MYLK3: variants seen among roughly 807,000 people sequenced by gnomAD.
The protein encoded by MYLK3 is myosin light chain kinase 3, also known as MLC kinase.
MYLK3 carries 55 observed loss-of-function variants against 76.3 expected under a neutral mutation model. The observed-to-expected ratio is 0.72, with a 90% confidence interval of 0.58 to 0.90. The LOEUF is 0.90. Ranked by LOEUF, MYLK3 falls within the 40% of genes least tolerant of loss-of-function variation. The probability of loss-of-function intolerance (pLI) is 0.00; values close to 1 mark genes in which losing one functional copy is unlikely to be tolerated. For missense variants in MYLK3, 973 were observed against 1,053.6 expected (o/e 0.92, Z 1.06); for synonymous variants, 416 against 425.4 (o/e 0.98, Z 0.27).
In MYLK3 at chr16:46,702,813, GGGA is replaced by G. The variant is rs750008209; in HGVS notation, c.*4888_*4890del. 1.8e-4 allele frequency among the ~76,000 whole-genome samples: 27 copies of G among 151,984 alleles called. No homozygotes were observed. The highest frequency in any genetic ancestry group is 2.6e-4 in the Admixed American group (4 of 15,258). ...CGCATGCCTGTAGTCCCAGCTACTT[GGGA>G]GGCTGAGGCAGGAGAAATCACTTGA... is the stretch of plus-strand genomic sequence containing the variant. On this transcript the variant is annotated 3_prime_UTR_variant, in exon 13 of 13. Transcript: ENST00000394809.
upstream of MYLK3, among the ~76,000 whole-genome samples, chr16:46,749,383 A>C (rs1169506888): frequency 2.6e-5 from 4 of 152,240 alleles, no homozygotes; most frequent in Non-Finnish European, 5.9e-5. Flanking sequence ...GGCTGCCCCC[A>C]AGGGAGGGGG....
chr16:46,722,827 A>G (rs1966812863), intron 8 of MYLK3, among the ~76,000 whole-genome samples: 1 of 152,124 alleles, frequency 6.6e-6, no homozygotes, highest in East Asian at 1.9e-4. Flanking sequence ...CTCCTGCCTC[A>G]GCCTCCCGAG....
intron 3 of MYLK3, among the ~76,000 whole-genome samples, chr16:46,736,286 C>G (rs1966868202): frequency 6.6e-6 from 1 of 152,154 alleles, no homozygotes; most frequent in Non-Finnish European, 1.5e-5. Context: ...GTGCTGGGAT[C>G]AAGGCATGAG....
At chr16:46,738,625 A>G (rs1966885484) in intron 2 of MYLK3, among the ~76,000 whole-genome samples, 1 of 152,230 alleles carries the variant, frequency 6.6e-6, no homozygotes, top group Non-Finnish European at 1.5e-5. Flanking sequence ...GAAAGAAAGC[A>G]AGGTGGAGAA....
At chr16:46,724,902 T>C (rs1045224440) in intron 8 of MYLK3, among the ~76,000 whole-genome samples, 1 of 152,244 alleles carries the variant, frequency 6.6e-6, no homozygotes, top group Non-Finnish European at 1.5e-5. Flanking sequence ...CTTAACAATA[T>C]TAAATTTTCC....
chr16:46,739,928 T>C, intron 2 of MYLK3, 129 bp downstream of exon 2: 1 of 684,652 alleles, frequency 1.5e-6, no homozygotes, highest in Non-Finnish European at 2.5e-6. Flanking sequence ...CAAAAAACCC[T>C]GCAAAAACAA....
rs1966881627 is a variant in MYLK3 at position 46,738,133 on chromosome 16, C to CT, written c.578dup (p.Ala194GlyfsTer22). ...CCGCTGTCCCCTCCAGCACGTCCGCCTTCTGGCTCTCTACAGGAAAACAGG... is the reference window on the plus strand; with the variant it reads ...CCGCTGTCCCCTCCAGCACGTCCGCCTTTCTGGCTCTCTACAGGAAAACAGG... On this transcript the variant is annotated frameshift_variant, in exon 3 of 13. Coordinates refer to ENST00000394809, the MANE Select transcript of MYLK3 (RefSeq NM_182493.3). LOFTEE classifies it high-confidence loss of function. 6.5e-7 allele frequency: 1 copy of CT among 1,534,662 alleles called. No individual in the cohort carries two copies.
At position 46,727,358 on chromosome 16, in the gene MYLK3, A is replaced by C; in HGVS notation, c.1792T>G (p.Phe598Val). The C allele has an allele frequency of 6.2e-7, 1 of 1,612,538 alleles. No individual in the cohort carries two copies. Among genetic ancestry groups the C allele is most frequent in the South Asian group, 1.1e-5 (1 of 91,004 alleles). The part of the protein sequence containing the change: ...VMEYVDGGEL[F>V]DRITDEKYHL... ...TACTTCTCATCTGTGATCCGGTCGA[A>C]GAGCTCACCCCCGTCCACGCTGCCA... Residue 598 changes from phenylalanine (F) to valine (V), a missense_variant, in exon 8 of 13, where the codon TTC becomes GTC. Around this residue, in one of 2 missense-constraint regions of MYLK3, gnomAD observed 332 missense variants for 416.6 expected, o/e 0.80. Transcript: ENST00000394809.
At chr16:46,754,313 G>GA (rs367763916) in intron 1 of MYLK3, among the ~76,000 whole-genome samples, 166 of 138,118 alleles carry the variant, frequency 1.2e-3, no homozygotes, top group East Asian at 3.8e-3. Context: ...AAATTTAAAA[G>GA]AAAAAAAAAA....
chr16:46,722,556 A>G (rs1966809911), intron 8 of MYLK3, among the ~76,000 whole-genome samples: 1 of 152,236 alleles, frequency 6.6e-6, no homozygotes, highest in South Asian at 2.1e-4. Flanking sequence ...CTAGAATAAC[A>G]CTGTCCAATA....
At chr16:46,713,782 A>G (rs565539725) in intron 9 of MYLK3, among the ~76,000 whole-genome samples, 4 of 152,158 alleles carry the variant, frequency 2.6e-5, no homozygotes, top group Admixed American at 1.3e-4. Context: ...CTCTGCCTGT[A>G]AGAGTTTGTC....
At position 46,748,031 on chromosome 16, in the gene MYLK3, G is replaced by C; in HGVS notation, c.163C>G (p.Arg55Gly). Residue 55 changes from arginine to glycine, a missense_variant, in exon 1 of 13, where the codon CGA becomes GGA. By Grantham distance (125) the Arg-to-Gly change is moderately radical. Transcript: ENST00000394809. The surrounding 1 kb of genome is among the most constrained non-coding windows in gnomAD (Gnocchi z 4.3). ...CCCCGCTCCAGGTGGCCCATGTCTCGGCACATGCTCTGCAACTTCTCTGTG... is the reference window on the plus strand; with the variant it reads ...CCCCGCTCCAGGTGGCCCATGTCTCCGCACATGCTCTGCAACTTCTCTGTG... The part of the protein sequence containing the change: ...DVTEKLQSMC[R>G]DMGHLERGLH... 1 of 1,614,064 alleles carries C rather than the reference G, an allele frequency of 6.2e-7. No homozygotes were observed. The highest frequency in any genetic ancestry group is 8.5e-7 in the Non-Finnish European group (1 of 1,180,044).
Position 46,712,785 on chromosome 16 carries a change from A to G in MYLK3, c.1986-9T>C. On this transcript the variant is annotated splice_polypyrimidine_tract_variant and intron_variant, in intron 9 of 12. Transcript: ENST00000394809. The stretch of plus-strand genomic sequence containing the variant: ...TCTCTCGAGGCTTGTACCTGGGGAG[A>G]AGGGGAGGGTACAAAGAAGCATGGG... The G allele has an allele frequency of 6.3e-7, 1 of 1,581,724 alleles. No homozygotes were observed. The highest frequency in any genetic ancestry group is 1.4e-5 in the African/African-American group (1 of 73,528).
At chr16:46,717,915 T>C (rs1056217855) in intron 9 of MYLK3, among the ~76,000 whole-genome samples, 2 of 152,232 alleles carry the variant, frequency 1.3e-5, no homozygotes, top group South Asian at 2.1e-4. Context: ...GTTCACAATG[T>C]GTCCCTGCAA....
At position 46,748,024 on chromosome 16, in the gene MYLK3, A is replaced by G. The variant is rs1967060823; in HGVS notation, c.170T>C (p.Met57Thr). 1.2e-6 allele frequency: 2 copies of G among 1,613,868 alleles called. No individual in the cohort carries two copies. The change falls in exon 1 of 13, where the codon ATG becomes ACG. Residue 57 changes from methionine (M) to threonine (T), a missense_variant. Around this residue, in one of 2 missense-constraint regions of MYLK3, gnomAD observed 641 missense variants for 637.0 expected, o/e 1.01. Coordinates refer to ENST00000394809, the MANE Select transcript of MYLK3 (RefSeq NM_182493.3). This position sits in a 1 kb window ranked among gnomAD's most constrained non-coding sequence, Gnocchi z 4.3. ...TEKLQSMCRD[M>T]GHLERGLHRL... ...GTGCAGGCCCCGCTCCAGGTGGCCC[A>G]TGTCTCGGCACATGCTCTGCAACTT...
intron 12 of MYLK3, among the ~76,000 whole-genome samples, chr16:46,709,208 A>G (rs1966657217): frequency 6.6e-6 from 1 of 152,106 alleles, no homozygotes; most frequent in Non-Finnish European, 1.5e-5. Context: ...GAGTGCTTGA[A>G]GCCAGGAGTT....
intron 9 of MYLK3, among the ~76,000 whole-genome samples, chr16:46,716,678 A>G (rs1966744012): frequency 6.6e-6 from 1 of 152,150 alleles, no homozygotes; most frequent in Admixed American, 6.5e-5. Context: ...CTGTGGATCA[A>G]AAGACTCTCA....
Position 46,732,564 on chromosome 16 carries a change from T to G in MYLK3, c.1106A>C (p.Gln369Pro), listed in dbSNP as rs759837142. The G allele has an allele frequency of 6.2e-7, 1 of 1,600,114 alleles. No individual in the cohort carries two copies. The highest frequency in any genetic ancestry group is 1.1e-5 in the South Asian group (1 of 90,990). Residue 369 changes from glutamine to proline, a missense_variant, in exon 4 of 13, where the codon CAG (glutamine) becomes CCG (proline). Gln to Pro is a moderately conservative substitution (Grantham distance 76). Transcript: ENST00000394809. Reference sequence around the variant, plus strand: ...CCCAGGTGGGCCCTGCTTGCCTGGCTGGGCAGCTGCTGGAGCCTCTGTGGT... The same window carrying G: ...CCCAGGTGGGCCCTGCTTGCCTGGCGGGGCAGCTGCTGGAGCCTCTGTGGT... Reference protein sequence around the residue: ...TLTTEAPAAAQPGKQGPPGTG... With the variant: ...TLTTEAPAAAPPGKQGPPGTG...
intron 10 of MYLK3, chr16:46,711,101 A>G: frequency 3.0e-6 from 1 of 327,934 alleles, no homozygotes; most frequent in Admixed American, 4.5e-5. Flanking sequence ...GTTATCAAGT[A>G]CACATTGATT....
Sources: gnomAD v4.1 joint callset for allele counts (sites outside exome capture counted in the v4.1 genomes callset) on GRCh38, gnomAD v4.1.1 for gene constraint, gnomAD v4.1.1 regional missense constraint, Gnocchi (gnomAD v3.1) non-coding constraint, MANE v1.5 for transcripts, NCBI Gene and HGNC (gene_info 2026-07-23, HGNC 2026-07-21) for gene names.